CDYL: variants seen among roughly 807,000 people sequenced by gnomAD.
CDYL encodes the protein chromodomain Y-like protein.
In CDYL, 8 loss-of-function variants were observed where a neutral mutation model predicts 47.3. That is an observed-to-expected ratio of 0.17 (90% CI 0.10 to 0.31). The LOEUF is 0.31. Among genes scored for constraint, CDYL ranks in the 10% least tolerant of loss-of-function variants. The pLI is 1.00. For missense variants in CDYL, 471 were observed against 701.4 expected, an observed-to-expected ratio of 0.67 and a Z score of 3.71; for synonymous variants, 266 against 265.0, an observed-to-expected ratio of 1.00 and a Z score of -0.04.
chr6:4,839,501 T>C (rs1478146339), intron 1 of CDYL, among the ~76,000 whole-genome samples: 1 of 152,218 alleles, frequency 6.6e-6, no homozygotes. Flanking sequence ...GTGTAAGCCA[T>C]TGTCTCAAAG....
chr6:4,734,648 A>AGTGAGGG (rs67832749), intron 2 of CDYL: 343,847 of 1,383,120 alleles, frequency 0.25, 46,097 homozygotes, highest in Admixed American at 0.33. Flanking sequence ...CTCCTAATTC[A>AGTGAGGG]GGAAGGGGAG....
At chr6:4,868,567 C>T (rs1331509532) in intron 1 of CDYL, among the ~76,000 whole-genome samples, 1 of 151,986 alleles carries the variant, frequency 6.6e-6, no homozygotes, top group Admixed American at 6.6e-5. Context: ...GTTTTATGGC[C>T]TACATTCTGG....
intron 2 of CDYL, among the ~76,000 whole-genome samples, chr6:4,907,257 C>T (rs1757266967): frequency 1.3e-5 from 2 of 152,232 alleles, no homozygotes; most frequent in African/African-American, 4.8e-5. Context: ...GACCACCCTG[C>T]TGCAGTTTTA....
intron 2 of CDYL, among the ~76,000 whole-genome samples, chr6:4,913,751 A>T (rs1757476128): frequency 6.6e-6 from 1 of 152,228 alleles, no homozygotes; most frequent in Non-Finnish European, 1.5e-5. Flanking sequence ...TTGAGGCCAG[A>T]CGGTCTCTAC....
At chr6:4,856,629 C>T (rs549834011) in intron 1 of CDYL, among the ~76,000 whole-genome samples, 14 of 152,142 alleles carry the variant, frequency 9.2e-5, no homozygotes, top group African/African-American at 3.1e-4. Flanking sequence ...GCGGGAAGAG[C>T]GAGAAATGCA....
At chr6:4,852,529 TTCCA>T (rs1760875469) in intron 1 of CDYL, among the ~76,000 whole-genome samples, 1 of 121,184 alleles carries the variant, frequency 8.3e-6, no homozygotes, top group African/African-American at 3.9e-5. Context: ...CCTTCCTTCC[TTCCA>T]ATCTTCCTTC....
intron 1 of CDYL, among the ~76,000 whole-genome samples, chr6:4,781,185 A>G (rs144635302): frequency 1.3e-5 from 2 of 152,218 alleles, no homozygotes; most frequent in Non-Finnish European, 2.9e-5. Flanking sequence ...TGACAGGATG[A>G]TCAGGATTTG....
At chr6:4,871,159 C>T (rs530587662) in intron 1 of CDYL, among the ~76,000 whole-genome samples, 14 of 152,300 alleles carry the variant, frequency 9.2e-5, no homozygotes, top group African/African-American at 3.4e-4. Flanking sequence ...TGAATGGGCA[C>T]TGAATTTTGT....
chr6:4,734,807 G>A lies in CDYL; in HGVS notation c.149G>A (p.Ser50Asn), dbSNP rs1280593516. The change falls in exon 3 of 9, where the codon AGT becomes AAT. Residue 50 changes from serine (S) to asparagine (N), a missense_variant. Physicochemically the swap from Ser to Asn is conservative, Grantham distance 46 (BLOSUM62 1). Transcript: ENST00000328908. ...TCAGACCCCAGCATCTCCGTGAGCA[G>A]TGAGCAAAGCGGGGCACAGCAGCCT... The A allele has an allele frequency of 2.5e-6, 4 of 1,614,078 alleles. 1 individual carries two copies. In the African/African-American group the frequency reaches 4.0e-5, roughly 16 times the overall value.
chr6:4,938,554 GC>G (rs757584012), intron 4 of CDYL, among the ~76,000 whole-genome samples: 20 of 152,180 alleles, frequency 1.3e-4, no homozygotes, highest in Non-Finnish European at 2.5e-4. Context: ...ATTAGCATAT[GC>G]ATTACCTCAC....
chr6:4,907,207 A>G (rs924595304), intron 2 of CDYL, among the ~76,000 whole-genome samples: 10 of 152,184 alleles, frequency 6.6e-5, no homozygotes, highest in Non-Finnish European at 1.3e-4. Context: ...GTGGGTTACC[A>G]GGTTGTCCTC....
At chr6:4,900,801 A>C (rs376231621) in intron 2 of CDYL, among the ~76,000 whole-genome samples, 20 of 76,544 alleles carry the variant, frequency 2.6e-4, no homozygotes, top group African/African-American at 1.1e-3. Context: ...ATATATATAT[A>C]TATATATATA....
At chr6:4,717,145 G>C (rs148549516) in intron 2 of CDYL, among the ~76,000 whole-genome samples, 69 of 152,248 alleles carry the variant, frequency 4.5e-4, no homozygotes, top group Middle Eastern at 3.4e-3. Flanking sequence ...AGAGGTTGTC[G>C]TGGCTGGAGC....
chr6:4,730,674 CAAAAAA>C (rs56956798), intron 2 of CDYL, among the ~76,000 whole-genome samples: 4 of 60,452 alleles, frequency 6.6e-5, no homozygotes, highest in Admixed American at 2.2e-4. Flanking sequence ...AATTCCATCT[CAAAAAA>C]AAAAAAAAAA....
intron 3 of CDYL, among the ~76,000 whole-genome samples, chr6:4,744,643 A>G (rs891723723): frequency 6.6e-6 from 1 of 152,338 alleles, no homozygotes; most frequent in Non-Finnish European, 1.5e-5. Context: ...AATTCTTTAC[A>G]TACCTTTACT....
intron 2 of CDYL, among the ~76,000 whole-genome samples, chr6:4,722,002 A>T (rs1390553839): frequency 6.6e-6 from 1 of 152,012 alleles, no homozygotes; most frequent in Non-Finnish European, 1.5e-5. Context: ...AGCTGGGATT[A>T]TAGGCATGTG....
chr6:4,852,548 CTTCCT>C, intron 1 of CDYL, among the ~76,000 whole-genome samples: 1 of 129,394 alleles, frequency 7.7e-6, no homozygotes, highest in African/African-American at 3.3e-5. Context: ...TCCTTCCTTC[CTTCCT>C]TCCTTCCAAT....
At chr6:4,911,247 G>A (rs1048842209) in intron 2 of CDYL, among the ~76,000 whole-genome samples, 1 of 152,232 alleles carries the variant, frequency 6.6e-6, no homozygotes, top group African/African-American at 2.4e-5. Context: ...CAGGGTTATG[G>A]TTAGTCCAGT....
intron 1 of CDYL, among the ~76,000 whole-genome samples, chr6:4,830,858 GT>G (rs1561658570): frequency 6.7e-6 from 1 of 150,008 alleles, no homozygotes; most frequent in African/African-American, 2.5e-5. Context: ...GCGGTGTTTG[GT>G]TTTTTGTTCT....
Sources: gnomAD v4.1 joint callset for allele counts (sites outside exome capture counted in the v4.1 genomes callset) on GRCh38, gnomAD v4.1.1 for gene constraint, MANE v1.5 for transcripts, NCBI Gene and HGNC (gene_info 2026-07-23, HGNC 2026-07-21) for gene names.